Variants in SMOC1 observed in about 807,000 individuals in gnomAD.
The protein encoded by SMOC1 is SPARC-related modular calcium-binding protein 1.
In SMOC1, 22 loss-of-function variants were observed where a neutral mutation model predicts 56.3. That is an observed-to-expected ratio of 0.39 (90% CI 0.28 to 0.56). The LOEUF is 0.56. SMOC1 is among the 20% of genes least tolerant of loss of function. The pLI, the probability that SMOC1 is intolerant of heterozygous loss-of-function variation, is 0.61. For synonymous variants in SMOC1, 193 were observed against 215.0 expected (o/e 0.90, Z 0.89); for missense variants, 509 against 565.4 (o/e 0.90, Z 1.01).
At chr14:69,992,342 A>G in intron 5 of SMOC1, 75 bp from the exon 6 acceptor site, 1 of 1,448,046 alleles carries the variant, frequency 6.9e-7, no homozygotes, top group South Asian at 1.2e-5. Context: ...CAACCATTCA[A>G]CAGTGCTGGA....
intron 10 of SMOC1, among the ~76,000 whole-genome samples, chr14:70,016,763 G>A (rs572938862): frequency 3.9e-5 from 6 of 152,274 alleles, no homozygotes; most frequent in Non-Finnish European, 2.9e-5. Flanking sequence ...GCTCTTGCCT[G>A]TTCCAGGACC....
intron 6 of SMOC1, chr14:69,994,122 G>A (rs1399555180): frequency 1.6e-5 from 8 of 495,560 alleles, no homozygotes; most frequent in Non-Finnish European, 1.5e-5. Flanking sequence ...TACCTCCTGG[G>A]ATAATATTTT....
At chr14:69,906,532 A>G (rs1884413295) in intron 1 of SMOC1, among the ~76,000 whole-genome samples, 1 of 152,254 alleles carries the variant, frequency 6.6e-6, no homozygotes, top group Non-Finnish European at 1.5e-5. Flanking sequence ...TGGAGCAGAG[A>G]CAAATCATGC....
chr14:69,921,784 C>A (rs1376624946), intron 1 of SMOC1, among the ~76,000 whole-genome samples: 1 of 152,184 alleles, frequency 6.6e-6, no homozygotes, highest in Non-Finnish European at 1.5e-5. Flanking sequence ...GTGTTCCTTT[C>A]CTTTTATAAA....
chr14:69,907,231 G>A (rs1884433895), intron 1 of SMOC1, among the ~76,000 whole-genome samples: 1 of 152,144 alleles, frequency 6.6e-6, no homozygotes, highest in Admixed American at 6.5e-5. Flanking sequence ...GGCATTTAAT[G>A]TCTTATCATG....
At chr14:69,954,015 G>GTGTGAGTA (rs1883100191) in intron 3 of SMOC1, among the ~76,000 whole-genome samples, 1 of 151,688 alleles carries the variant, frequency 6.6e-6, no homozygotes, top group Non-Finnish European at 1.5e-5. Context: ...GTGTGTGAGT[G>GTGTGAGTA]TGTGTGTGTG....
At chr14:69,966,415 A>T (rs1235272010) in intron 3 of SMOC1, among the ~76,000 whole-genome samples, 8 of 152,186 alleles carry the variant, frequency 5.3e-5, no homozygotes, top group African/African-American at 1.9e-4. Flanking sequence ...ATTCTTCACC[A>T]TATAATTGGA....
intron 1 of SMOC1, among the ~76,000 whole-genome samples, chr14:69,909,748 G>T (rs2139343688): frequency 6.6e-6 from 1 of 152,278 alleles, no homozygotes. Context: ...TAGAAGCAAT[G>T]AAAACACTTA....
At chr14:69,944,524 C>T (rs754338506) in intron 1 of SMOC1, among the ~76,000 whole-genome samples, 2 of 152,122 alleles carry the variant, frequency 1.3e-5, no homozygotes, top group South Asian at 2.1e-4. Context: ...CCATTATTTA[C>T]GATGTTGAGG....
chr14:69,940,787 T>C (rs1210151223), intron 1 of SMOC1, among the ~76,000 whole-genome samples: 1 of 146,184 alleles, frequency 6.8e-6, no homozygotes, highest in African/African-American at 2.7e-5. Context: ...ATTAAAAATA[T>C]CTGGATCCCT....
intron 1 of SMOC1, among the ~76,000 whole-genome samples, chr14:69,933,269 G>A (rs1183770008): frequency 6.6e-6 from 1 of 152,174 alleles, no homozygotes; most frequent in African/African-American, 2.4e-5. Context: ...TTCAGAAACA[G>A]GATGGCAGTT....
At chr14:69,988,669 C>T (rs962270288) in intron 5 of SMOC1, among the ~76,000 whole-genome samples, 2 of 152,140 alleles carry the variant, frequency 1.3e-5, no homozygotes, top group African/African-American at 2.4e-5. Context: ...CTCCATCACC[C>T]CAAAAAGCAA....
chr14:69,993,765 A>G (rs1287384050), intron 6 of SMOC1, among the ~76,000 whole-genome samples: 1 of 152,132 alleles, frequency 6.6e-6, no homozygotes. Context: ...AGACTGTCTC[A>G]TCTTGGGAGA....
chr14:69,971,143 C>T lies in SMOC1; in HGVS notation c.379-4572C>T, dbSNP rs141763725. Among the ~76,000 whole-genome samples the T allele has an allele frequency of 9.1e-4, 138 of 152,252 alleles. 1 individual carries two copies. The highest frequency in any genetic ancestry group is 2.9e-3 in the African/African-American group (122 of 41,554). On this transcript the variant is annotated intron_variant, in intron 3 of 11. Coordinates refer to ENST00000361956, the MANE Select transcript of SMOC1 (RefSeq NM_001034852.3). ...AAGCAATTATCCTGCTTCGGCCTCCCGAGTAGCTGGGATTACAGGCATCTG... is the reference window on the plus strand; with the variant it reads ...AAGCAATTATCCTGCTTCGGCCTCCTGAGTAGCTGGGATTACAGGCATCTG...
At chr14:70,025,018 G>A (rs932340855) in intron 11 of SMOC1, among the ~76,000 whole-genome samples, 6 of 152,174 alleles carry the variant, frequency 3.9e-5, no homozygotes, top group Middle Eastern at 3.4e-3. Context: ...AGTTAGGTAT[G>A]GGACAAAGGT....
chr14:69,880,595 A>C (rs1288826905), intron 1 of SMOC1, among the ~76,000 whole-genome samples: 1 of 152,220 alleles, frequency 6.6e-6, no homozygotes, highest in African/African-American at 2.4e-5. Context: ...CAATTGGTCT[A>C]ATAAAGAATT....
At chr14:69,916,145 A>G (rs1884680700) in intron 1 of SMOC1, among the ~76,000 whole-genome samples, 1 of 152,134 alleles carries the variant, frequency 6.6e-6, no homozygotes, top group South Asian at 2.1e-4. Context: ...AAACCCATTT[A>G]CCCATTCCTC....
intron 3 of SMOC1, among the ~76,000 whole-genome samples, chr14:69,957,252 G>C (rs955309855): frequency 2.6e-5 from 4 of 152,326 alleles, no homozygotes; most frequent in Admixed American, 6.5e-5. Flanking sequence ...TGGCAAGTGT[G>C]TGCATCACTG....
chr14:69,988,723 C>A (rs1884455324), intron 5 of SMOC1, among the ~76,000 whole-genome samples: 1 of 152,192 alleles, frequency 6.6e-6, no homozygotes, highest in Non-Finnish European at 1.5e-5. Flanking sequence ...ACCTGTAGCT[C>A]TAGGCACCCC....
Sources: gnomAD v4.1 joint callset for allele counts (sites outside exome capture counted in the v4.1 genomes callset) on GRCh38, gnomAD v4.1.1 for gene constraint, MANE v1.5 for transcripts, NCBI Gene and HGNC (gene_info 2026-07-23, HGNC 2026-07-21) for gene names.